The following CCDC32 variants were observed in gnomAD, a reference collection of about 807,000 sequenced individuals.
CCDC32 encodes the protein coiled-coil domain containing 32, also known as coiled-coil domain-containing protein 32.
In CCDC32, 9 loss-of-function variants were observed where a neutral mutation model predicts 20.1. The observed-to-expected ratio is 0.45, with a 90% CI of 0.27 to 0.78. The LOEUF (loss-of-function observed/expected upper bound fraction) is 0.78. Among genes scored for constraint, CCDC32 ranks in the 30% least tolerant of loss-of-function variants. The probability of loss-of-function intolerance (pLI) is 0.16; values close to 1 mark genes in which losing one functional copy is unlikely to be tolerated. For synonymous variants in CCDC32, 63 were observed against 79.0 expected, an observed-to-expected ratio of 0.80 and a Z score of 1.07; for missense variants, 204 against 215.5, an observed-to-expected ratio of 0.95 and a Z score of 0.33.
rs1045216812 is a variant in CCDC32, at chr15:40,553,827, T to C, written c.*144A>G. ...TCTTTGTGGAGTGGAAATTTGGGTT[T>C]TTTCCTTCAGTGGATTTCTCCCTGC... On this transcript the variant is annotated 3_prime_UTR_variant, in exon 4 of 4. Transcript: ENST00000416810. 7.2e-7 allele frequency: 1 copy of C among 1,397,008 alleles called. No homozygotes were observed. The highest frequency in any genetic ancestry group is 9.3e-7 in the Non-Finnish European group (1 of 1,074,562). The allele number at this position is 1,397,008 out of a possible 1,614,324, so 86.5% of individuals were successfully genotyped here.
downstream of CCDC32, among the ~76,000 whole-genome samples, chr15:40,552,435 C>T (rs1226107114): frequency 1.4e-5 from 2 of 140,694 alleles, no homozygotes; most frequent in African/African-American, 2.7e-5. Context: ...GAGCCAAGAT[C>T]GCGCCATTGC....
downstream of CCDC32, chr15:40,534,831 C>T: frequency 1.4e-6 from 1 of 698,388 alleles, no homozygotes; most frequent in Admixed American, 2.0e-5. Flanking sequence ...ATTAGTGTTT[C>T]AACATGTATA....
At chr15:40,532,511 T>C (rs8029208), downstream of CCDC32, among the ~76,000 whole-genome samples, 132,277 of 152,106 alleles carry the variant, frequency 0.87, 58,107 homozygotes, top group Non-Finnish European at 0.93. Flanking sequence ...TTCACAGCTG[T>C]TCACCATGAG....
chr15:40,531,945 T>C (rs905634619), downstream of CCDC32: 7 of 193,144 alleles, frequency 3.6e-5, no homozygotes, highest in Non-Finnish European at 6.3e-5. Context: ...CTGTCTCCAA[T>C]GGCAAATGAG....
intron 3 of CCDC32, among the ~76,000 whole-genome samples, chr15:40,542,382 C>A (rs1889432236): frequency 6.6e-6 from 1 of 152,188 alleles, no homozygotes; most frequent in African/African-American, 2.4e-5. Flanking sequence ...ATCTTATTGT[C>A]TTGTCCTGTC....
downstream of CCDC32, chr15:40,536,308 A>C (rs1196698737): frequency 6.6e-6 from 1 of 152,464 alleles, no homozygotes; most frequent in South Asian, 2.1e-4. Flanking sequence ...AGGAAGGGGA[A>C]GGAGAGAAGA....
chr15:40,564,700 C>T (rs1890900778), intron 1 of CCDC32: 6 of 1,610,272 alleles, frequency 3.7e-6, no homozygotes, highest in Non-Finnish European at 5.1e-6. Flanking sequence ...GAACTGATGT[C>T]TAGCGCTACA....
At chr15:40,540,184 C>G (rs1190404158) in intron 3 of CCDC32, among the ~76,000 whole-genome samples, 1 of 152,022 alleles carries the variant, frequency 6.6e-6, no homozygotes, top group Non-Finnish European at 1.5e-5. Context: ...CTAGGGCAAT[C>G]CAGAGGAGTG....
chr15:40,555,164 G>A (rs985082968), intron 3 of CCDC32, among the ~76,000 whole-genome samples: 2 of 152,182 alleles, frequency 1.3e-5, no homozygotes, highest in African/African-American at 4.8e-5. Context: ...CACAGATGTA[G>A]GCTCTGGGGA....
At position 40,553,924 on chromosome 15, in the gene CCDC32, GTGTGTGTGTGTGTGTGTGT is replaced by G; in HGVS notation, c.*28_*46del. ...GCTCGGCGTGTGTGTGTGTGTGTGT[GTGTGTGTGTGTGTGTGTGT>G]GTGTGTGTGTGTGTGTGTGTGTGTA... On this transcript the variant is annotated 3_prime_UTR_variant, in exon 4 of 4. Transcript: ENST00000416810. 2.6e-6 allele frequency: 1 copy of G among 380,354 alleles called. No individual in the cohort carries two copies. Among genetic ancestry groups the G allele is most frequent in the Non-Finnish European group, 3.8e-6 (1 of 260,602 alleles). 23.6% of individuals were successfully genotyped at this position (380,354 alleles called of 1,614,324 possible). A position where few individuals can be genotyped will look rare whatever the true frequency, so the allele number is the denominator to read the frequency against.
chr15:40,548,529 G>A (rs903188345), downstream of CCDC32, among the ~76,000 whole-genome samples: 5 of 152,188 alleles, frequency 3.3e-5, no homozygotes, highest in Non-Finnish European at 7.3e-5. Flanking sequence ...TATTGAATCT[G>A]TAGGGCTTTG....
At chr15:40,559,830 T>C (rs1212235991) in intron 2 of CCDC32, among the ~76,000 whole-genome samples, 1 of 152,092 alleles carries the variant, frequency 6.6e-6, no homozygotes, top group Non-Finnish European at 1.5e-5. Flanking sequence ...ACAACACAAA[T>C]TGGGGAAAGG....
chr15:40,535,783 G>A (rs1315329637), downstream of CCDC32: 1 of 425,468 alleles, frequency 2.4e-6, no homozygotes, highest in Non-Finnish European at 3.1e-6. Context: ...TCCACCATAT[G>A]CTGTCCCTGA....
chr15:40,550,416 CA>C (rs1476353109), downstream of CCDC32, among the ~76,000 whole-genome samples: 1 of 152,194 alleles, frequency 6.6e-6, no homozygotes, highest in South Asian at 2.1e-4. Context: ...CATTTTAGGC[CA>C]ATACTATTTT....
downstream of CCDC32, among the ~76,000 whole-genome samples, chr15:40,523,807 T>G (rs1239535544): frequency 6.6e-6 from 1 of 152,238 alleles, no homozygotes; most frequent in African/African-American, 2.4e-5. Flanking sequence ...CAAGTCCTGA[T>G]GAACACATGG....
At chr15:40,564,782 GC>G in intron 1 of CCDC32, 193 bp downstream of exon 1, 5 of 1,614,168 alleles carry the variant, frequency 3.1e-6, no homozygotes, top group Non-Finnish European at 4.2e-6. Flanking sequence ...GCCCCGCATG[GC>G]CCCTTACCCC....
downstream of CCDC32, chr15:40,538,546 G>C (rs1889233559): frequency 6.6e-6 from 1 of 152,296 alleles, no homozygotes; most frequent in African/African-American, 2.4e-5. Flanking sequence ...CGGGAAGCCT[G>C]TGAGTCCAAG....
downstream of CCDC32, chr15:40,535,587 G>C (rs984883666): frequency 3.4e-5 from 33 of 982,638 alleles, no homozygotes; most frequent in Admixed American, 9.4e-4. Context: ...GGCACTTCAT[G>C]GTTCTTTATT....
At chr15:40,534,937 G>C (rs983151833), downstream of CCDC32, 2 of 702,410 alleles carry the variant, frequency 2.8e-6, no homozygotes, top group African/African-American at 1.7e-5. Context: ...GGGTCTGAAG[G>C]CTTGGCTGTA....
Sources: gnomAD v4.1 joint callset for allele counts (sites outside exome capture counted in the v4.1 genomes callset) on GRCh38, gnomAD v4.1.1 for gene constraint, MANE v1.5 for transcripts, NCBI Gene and HGNC (gene_info 2026-07-23, HGNC 2026-07-21) for gene names.